Variants in CD99 observed in about 807,000 individuals in gnomAD.
The protein encoded by CD99 is CD99 antigen.
Under a neutral mutation model 28.4 loss-of-function variants are expected in CD99, and 19 were observed. The ratio of observed to expected loss-of-function variants is 0.67; its 90% CI spans 0.47 to 0.98. The LOEUF is 0.98. Ranked by LOEUF, CD99 falls within the 50% of genes least tolerant of loss-of-function variation. The pLI, the probability that CD99 is intolerant of heterozygous loss-of-function variation, is 0.00. For missense variants in CD99, 283 were observed against 248.8 expected (o/e 1.14, Z -0.92); for synonymous variants, 103 against 92.1 (o/e 1.12, Z -0.67).
At chrX:2,700,500 T>A (rs1388391319) in intron 1 of CD99, among the ~76,000 whole-genome samples, 1 of 148,922 alleles carries the variant, frequency 6.7e-6, no homozygotes, top group African/African-American at 2.5e-5. Context: ...TCCCATTCAT[T>A]TACCCATCCA....
chrX:2,707,833 C>G (rs1490400670), intron 1 of CD99, among the ~76,000 whole-genome samples: 2 of 152,170 alleles, frequency 1.3e-5, no homozygotes, highest in Non-Finnish European at 2.9e-5. Flanking sequence ...GTGTTTTCTT[C>G]ACATTTGTAG....
chrX:2,724,265 G>C (rs2049156099), intron 7 of CD99, among the ~76,000 whole-genome samples: 1 of 152,162 alleles, frequency 6.6e-6, no homozygotes, highest in Non-Finnish European at 1.5e-5. Context: ...CATCAGGGAG[G>C]GGTAGTTAAG....
intron 7 of CD99, among the ~76,000 whole-genome samples, chrX:2,725,510 A>G (rs1265163841): frequency 6.6e-6 from 1 of 152,110 alleles, no homozygotes; most frequent in East Asian, 1.9e-4. Context: ...ACGATACAAA[A>G]CGCATTGGCA....
chrX:2,710,436 C>T (rs2048341611), intron 1 of CD99, among the ~76,000 whole-genome samples: 1 of 151,720 alleles, frequency 6.6e-6, no homozygotes, highest in African/African-American at 2.4e-5. Context: ...TGATCATCTT[C>T]TGTTTATGAG....
At chrX:2,723,213 T>C in intron 6 of CD99, 101 bp from the exon 7 acceptor site, 1 of 1,169,514 alleles carries the variant, frequency 8.6e-7, no homozygotes. Flanking sequence ...TGTACCCCCG[T>C]AGAGTGTAAG....
At chrX:2,716,015 CA>C (rs1329291009) in intron 2 of CD99, among the ~76,000 whole-genome samples, 4 of 146,324 alleles carry the variant, frequency 2.7e-5, no homozygotes, top group Non-Finnish European at 6.0e-5. Flanking sequence ...CAGCCCTCTT[CA>C]TTTTTTTTTT....
chrX:2,702,997 C>A (rs1452499813), intron 1 of CD99, among the ~76,000 whole-genome samples: 2 of 152,160 alleles, frequency 1.3e-5, no homozygotes, highest in Non-Finnish European at 2.9e-5. Context: ...CCGTGTTGGC[C>A]AGGCTGCTCT....
At chrX:2,709,069 A>G (rs1359516435) in intron 1 of CD99, among the ~76,000 whole-genome samples, 1 of 152,140 alleles carries the variant, frequency 6.6e-6, no homozygotes, top group Non-Finnish European at 1.5e-5. Context: ...CAGGGAAGTC[A>G]TGTGGAGGAA....
At chrX:2,712,074 A>G (rs1248030174) in intron 1 of CD99, among the ~76,000 whole-genome samples, 1 of 152,132 alleles carries the variant, frequency 6.6e-6, no homozygotes, top group Non-Finnish European at 1.5e-5. Flanking sequence ...ATTTGCAACA[A>G]CATGGATGGA....
rs1233168038 is a variant in CD99, at chrX:2,740,925, CTT to C, written c.*123_*124del. The C allele has an allele frequency of 5.5e-6, 6 of 1,094,224 alleles. No individual in the cohort carries two copies. Among genetic ancestry groups the C allele is most frequent in the Middle Eastern group, 2.2e-4 (1 of 4,452 alleles). The allele number at this position is 1,094,224 out of a possible 1,614,324, so 67.8% of individuals were successfully genotyped here. A position where few individuals can be genotyped will look rare whatever the true frequency, so the allele number is the denominator to read the frequency against. ...GGAGGCCTTCTGTTCACGGCGGATT[CTT>C]TGTTTTAATCTTGCGATGTGCTTTG... On this transcript the variant is annotated 3_prime_UTR_variant, in exon 10 of 10. Transcript: ENST00000381192.
chrX:2,702,784 T>A (rs2047923731), intron 1 of CD99, among the ~76,000 whole-genome samples: 1 of 152,056 alleles, frequency 6.6e-6, no homozygotes, highest in Non-Finnish European at 1.5e-5. Flanking sequence ...ATTGAACTTT[T>A]TTTTTTTATT....
At chrX:2,692,051 A>G (rs2047333451) in intron 1 of CD99, 1 of 630,448 alleles carries the variant, frequency 1.6e-6, no homozygotes, top group African/African-American at 1.8e-5. Flanking sequence ...TGCTTACCAA[A>G]TTGTCCATCT....
chrX:2,728,200 C>CTTTTTTTTT (rs892410632), intron 8 of CD99, among the ~76,000 whole-genome samples: 10 of 106,976 alleles, frequency 9.3e-5, no homozygotes, highest in African/African-American at 3.9e-4. Context: ...TTGGTTGTTT[C>CTTTTTTTTT]TTTTTTTTTT....
At chrX:2,707,600 G>A (rs908235683) in intron 1 of CD99, among the ~76,000 whole-genome samples, 2 of 152,168 alleles carry the variant, frequency 1.3e-5, no homozygotes, top group Admixed American at 6.5e-5. Flanking sequence ...CGTCCGTTCC[G>A]CCTTGCCCTG....
intron 7 of CD99, among the ~76,000 whole-genome samples, chrX:2,724,213 C>T (rs748934281): frequency 1.8e-4 from 28 of 152,234 alleles, no homozygotes; most frequent in African/African-American, 5.5e-4. Flanking sequence ...CTCAGGCCAT[C>T]GTTCTTGGCC....
chrX:2,691,737 T>G, intron 1 of CD99: 1 of 726,254 alleles, frequency 1.4e-6, no homozygotes, highest in Non-Finnish European at 2.5e-6. Flanking sequence ...TTCTTACAGA[T>G]CTCTCTCCCT....
In CD99 at chrX:2,741,120, C is replaced by CG. The variant is rs912393065; in HGVS notation, c.*316_*317insG. ...TCAAATGTCAACCCCACCGAGGCAC[C>CG]CCCCCGTCCCCCAGAATCTTGGCTG... On this transcript the variant is annotated 3_prime_UTR_variant, in exon 10 of 10. Transcript: ENST00000381192. The CG allele has an allele frequency of 2.6e-6, 1 of 389,494 alleles. No individual in the cohort carries two copies. Among genetic ancestry groups the CG allele is most frequent in the Non-Finnish European group, 4.6e-6 (1 of 216,294 alleles). 24.1% of individuals were successfully genotyped at this position (389,494 alleles called of 1,614,324 possible).
intron 8 of CD99, chrX:2,727,181 T>G (rs1281371740): frequency 1.4e-6 from 1 of 716,820 alleles, no homozygotes; most frequent in East Asian, 2.7e-5. Flanking sequence ...ATTCCCTTTC[T>G]GTTAGTACCG....
chrX:2,723,647 C>A (rs2049119348), intron 7 of CD99, among the ~76,000 whole-genome samples: 3 of 152,148 alleles, frequency 2.0e-5, no homozygotes, highest in Admixed American at 1.3e-4. Context: ...TTCGCCTTGT[C>A]CTTGTGTTTA....
Sources: allele counts gnomAD v4.1 joint callset (sites outside exome capture counted in the v4.1 genomes callset), GRCh38; gene constraint gnomAD v4.1.1; transcripts MANE v1.5; gene names NCBI Gene and HGNC (gene_info 2026-07-23, HGNC 2026-07-21).